The following CPEB3 variants were observed in gnomAD, a reference collection of about 807,000 sequenced individuals.
CPEB3 encodes cytoplasmic polyadenylation element-binding protein 3.
In CPEB3, 20 loss-of-function variants were observed where a neutral mutation model predicts 67.2. That is an observed-to-expected ratio of 0.30 (90% confidence interval 0.21 to 0.43). The LOEUF (loss-of-function observed/expected upper bound fraction) is 0.43. Among genes scored for constraint, CPEB3 ranks in the 20% least tolerant of loss-of-function variants. The pLI, the probability that CPEB3 is intolerant of heterozygous loss-of-function variation, is 1.00. For synonymous variants in CPEB3, 376 were observed against 393.1 expected (o/e 0.96, Z 0.51); for missense variants, 746 against 968.6 (o/e 0.77, Z 3.05).
intron 8 of CPEB3, among the ~76,000 whole-genome samples, chr10:92,091,146 A>T (rs1238223540): frequency 6.6e-6 from 1 of 152,312 alleles, no homozygotes; most frequent in South Asian, 2.1e-4. Context: ...TTTAGGTAGA[A>T]CTAAGTCTAT....
chr10:92,094,703 T>A (rs1843777278), intron 7 of CPEB3, among the ~76,000 whole-genome samples: 4 of 152,074 alleles, frequency 2.6e-5, no homozygotes, highest in Admixed American at 2.6e-4. Context: ...ACTAATACCA[T>A]AAAGCATTAC....
intron 9 of CPEB3, among the ~76,000 whole-genome samples, chr10:92,069,603 C>A (rs542763332): frequency 1.3e-5 from 2 of 152,256 alleles, no homozygotes; most frequent in South Asian, 4.1e-4. Context: ...TGAGGTTTCA[C>A]CATGTTGGCC....
chr10:92,166,514 T>C (rs537367137), intron 4 of CPEB3, among the ~76,000 whole-genome samples: 33 of 152,310 alleles, frequency 2.2e-4, no homozygotes, highest in African/African-American at 7.2e-4. Context: ...ACAACATTAC[T>C]GTCCGGTTCA....
At chr10:92,154,991 T>C (rs1847136338) in intron 4 of CPEB3, among the ~76,000 whole-genome samples, 1 of 152,188 alleles carries the variant, frequency 6.6e-6, no homozygotes, top group Admixed American at 6.5e-5. Flanking sequence ...GGCAGATGGC[T>C]TGAGGCCAGG....
chr10:92,239,667 G>T lies in CPEB3; in HGVS notation c.684C>A (p.Ala228=). The T allele has an allele frequency of 6.4e-7, 1 of 1,561,978 alleles. No individual in the cohort carries two copies. The highest frequency in any genetic ancestry group is 8.7e-7 in the Non-Finnish European group (1 of 1,155,118). Residue 228 remains alanine, a synonymous_variant, in exon 2 of 10, where the codon GCC becomes GCA. Coordinates refer to ENST00000265997, the MANE Select transcript of CPEB3 (RefSeq NM_014912.5). This position sits in a 1 kb window ranked among gnomAD's most constrained non-coding sequence, Gnocchi z 6.0. ...ACGAGGCGGCGGCTGCGGCAGCAGCGGCTGCAACCGCCGAAGACGAGGACG... is the reference window on the plus strand; with the variant it reads ...ACGAGGCGGCGGCTGCGGCAGCAGCTGCTGCAACCGCCGAAGACGAGGACG... The part of the protein sequence containing the change: ...SKPSSSSAVA[A]AAAAAAASSA...
chr10:92,247,109 T>A (rs1291155473), intron 1 of CPEB3, among the ~76,000 whole-genome samples: 1 of 152,052 alleles, frequency 6.6e-6, no homozygotes, highest in Non-Finnish European at 1.5e-5. Context: ...AAGGTATAAA[T>A]ACAGACGAAG....
chr10:92,242,748 T>C (rs926750056), intron 1 of CPEB3, among the ~76,000 whole-genome samples: 2 of 152,208 alleles, frequency 1.3e-5, no homozygotes, highest in African/African-American at 2.4e-5. Flanking sequence ...GAACATTTTA[T>C]AGTAGCTGTA....
At chr10:92,152,591 A>G (rs1257688749) in intron 4 of CPEB3, among the ~76,000 whole-genome samples, 1 of 152,254 alleles carries the variant, frequency 6.6e-6, no homozygotes, top group Non-Finnish European at 1.5e-5. Context: ...AATATATGAA[A>G]CAAAACTGGC....
chr10:92,169,017 A>G (rs1363968900), intron 4 of CPEB3, among the ~76,000 whole-genome samples: 1 of 150,306 alleles, frequency 6.7e-6, no homozygotes, highest in African/African-American at 2.5e-5. Context: ...GCTGGTCTCA[A>G]ACTCCTCACC....
At chr10:92,211,039 G>A (rs1699563425) in intron 2 of CPEB3, among the ~76,000 whole-genome samples, 1 of 152,154 alleles carries the variant, frequency 6.6e-6, no homozygotes, top group African/African-American at 2.4e-5. Flanking sequence ...AACAGAGTGA[G>A]ACTCCATCTC....
intron 7 of CPEB3, among the ~76,000 whole-genome samples, chr10:92,096,145 G>T (rs1246189552): frequency 6.6e-6 from 1 of 151,480 alleles, no homozygotes; most frequent in African/African-American, 2.4e-5. Context: ...AAAGTGCTGG[G>T]ATTACAGGCG....
At chr10:92,235,526 C>T (rs1851488510) in intron 2 of CPEB3, among the ~76,000 whole-genome samples, 1 of 152,154 alleles carries the variant, frequency 6.6e-6, no homozygotes, top group Non-Finnish European at 1.5e-5. Context: ...ATAATCATAA[C>T]CCTACGTTTA....
In CPEB3 at chr10:92,119,237, C is replaced by T. The variant is rs991265280; in HGVS notation, c.1454-8043G>A. 18 of 1,578,934 alleles carry T rather than the reference C, an allele frequency of 1.1e-5. No homozygotes were observed. In the African/African-American group the frequency reaches 1.3e-4, roughly 12 times the overall value. On this transcript the variant is annotated intron_variant, in intron 6 of 9. Coordinates refer to ENST00000265997, the MANE Select transcript of CPEB3 (RefSeq NM_014912.5). ...CCATCTTTCTGTTTGTCACTCTTAT[C>T]TCCAGCCTGGGAAAAGTTCTCCTTA... is the stretch of plus-strand genomic sequence containing the variant.
chr10:92,120,113 A>C (rs1375201061), intron 6 of CPEB3, among the ~76,000 whole-genome samples: 1 of 147,840 alleles, frequency 6.8e-6, no homozygotes, highest in Non-Finnish European at 1.5e-5. Context: ...AAAAAAAAAA[A>C]AAAACCAAAT....
intron 4 of CPEB3, among the ~76,000 whole-genome samples, chr10:92,155,190 C>T (rs746950517): frequency 6.6e-6 from 1 of 152,128 alleles, no homozygotes; most frequent in Non-Finnish European, 1.5e-5. Flanking sequence ...GCCTGGGCGA[C>T]AAAGTGAGAC....
At chr10:92,283,188 C>T (rs1842372878) in intron 1 of CPEB3, among the ~76,000 whole-genome samples, 1 of 151,876 alleles carries the variant, frequency 6.6e-6, no homozygotes, top group Admixed American at 6.6e-5. Flanking sequence ...GTAGGCAAGG[C>T]CACAGTGAGC....
At chr10:92,269,073 G>A (rs1428583574) in intron 1 of CPEB3, among the ~76,000 whole-genome samples, 3 of 152,106 alleles carry the variant, frequency 2.0e-5, no homozygotes, top group East Asian at 3.9e-4. Context: ...AAGGAAGCTG[G>A]ATCTTTGTAC....
At chr10:92,243,480 AT>A (rs1851934643) in intron 1 of CPEB3, among the ~76,000 whole-genome samples, 1 of 152,228 alleles carries the variant, frequency 6.6e-6, no homozygotes, top group African/African-American at 2.4e-5. Context: ...AGGGAAAAAA[AT>A]AAACTGGTTT....
intron 7 of CPEB3, among the ~76,000 whole-genome samples, chr10:92,106,185 A>G (rs1046029052): frequency 1.3e-5 from 2 of 149,436 alleles, no homozygotes; most frequent in Non-Finnish European, 3.0e-5. Context: ...GAGCCACTGC[A>G]CCCAGCCTAT....
Sources: allele counts gnomAD v4.1 joint callset (sites outside exome capture counted in the v4.1 genomes callset), GRCh38; gene constraint gnomAD v4.1.1; non-coding constraint Gnocchi (gnomAD v3.1); transcripts MANE v1.5; gene names NCBI Gene and HGNC (gene_info 2026-07-23, HGNC 2026-07-21).